Variants in RNLS observed in about 807,000 individuals in gnomAD.
RNLS encodes the protein renalase, FAD dependent amine oxidase.
In RNLS, 39 loss-of-function variants were observed where a neutral mutation model predicts 39.8. The observed-to-expected ratio is 0.98, with a 90% CI of 0.76 to 1.28. The LOEUF is 1.28. RNLS is among the 50% of genes most tolerant of loss of function. The pLI, the probability that RNLS is intolerant of heterozygous loss-of-function variation, is 0.00. For synonymous variants in RNLS, 147 were observed against 150.7 expected (o/e 0.98, Z 0.18); for missense variants, 410 against 413.3 (o/e 0.99, Z 0.07).
chr10:88,365,417 G>A (rs1355036208), intron 4 of RNLS, among the ~76,000 whole-genome samples: 1 of 150,908 alleles, frequency 6.6e-6, no homozygotes, highest in Non-Finnish European at 1.5e-5. Context: ...TAGAACAAAC[G>A]ACCACAAATC....
At chr10:88,303,297 C>G (rs1356878468) in intron 6 of RNLS, among the ~76,000 whole-genome samples, 1 of 152,172 alleles carries the variant, frequency 6.6e-6, no homozygotes, top group African/African-American at 2.4e-5. Flanking sequence ...ATGGCCATGC[C>G]CCTAGGCTTG....
the RNLS span, among the ~76,000 whole-genome samples, chr10:88,173,182 G>T: frequency 6.6e-6 from 1 of 151,934 alleles, no homozygotes; most frequent in South Asian, 2.1e-4. Flanking sequence ...ATATGGTGAG[G>T]GATAGAAATC....
intron 5 of RNLS, among the ~76,000 whole-genome samples, chr10:88,348,454 T>G (rs138457622): frequency 2.6e-4 from 40 of 152,228 alleles, no homozygotes; most frequent in African/African-American, 9.1e-4. Flanking sequence ...AGGGAAAATA[T>G]CATTTTCAGA....
chr10:88,341,138 T>C (rs1308427173), intron 5 of RNLS, among the ~76,000 whole-genome samples: 2 of 150,824 alleles, frequency 1.3e-5, no homozygotes, highest in African/African-American at 4.9e-5. Flanking sequence ...GAGACCAGCC[T>C]GACCAACGTG....
chr10:88,557,920 T>G (rs1159441213), intron 4 of RNLS, among the ~76,000 whole-genome samples: 1 of 152,148 alleles, frequency 6.6e-6, no homozygotes, highest in Non-Finnish European at 1.5e-5. Flanking sequence ...AGTATGGACA[T>G]TTCCTTTTAA....
At chr10:88,563,151 T>C (rs1453923847) in intron 4 of RNLS, among the ~76,000 whole-genome samples, 3 of 152,128 alleles carry the variant, frequency 2.0e-5, no homozygotes, top group African/African-American at 7.2e-5. Context: ...ACTAATGCAG[T>C]GTAATTGAGT....
the RNLS span, among the ~76,000 whole-genome samples, chr10:88,246,857 T>G: frequency 1.3e-5 from 2 of 152,210 alleles, no homozygotes; most frequent in African/African-American, 4.8e-5. Context: ...TAACCAGCCA[T>G]GAAGGTTAGC....
At chr10:88,472,460 T>C (rs746813871) in intron 4 of RNLS, among the ~76,000 whole-genome samples, 24 of 152,036 alleles carry the variant, frequency 1.6e-4, no homozygotes, top group Non-Finnish European at 1.3e-4. Flanking sequence ...AGCAGCACGA[T>C]AGGCATGAAA....
intron 5 of RNLS, among the ~76,000 whole-genome samples, chr10:88,345,961 C>T (rs1370435131): frequency 1.3e-5 from 2 of 152,044 alleles, no homozygotes; most frequent in Non-Finnish European, 2.9e-5. Context: ...TTTTACCACT[C>T]ATAATAATAA....
the RNLS span, among the ~76,000 whole-genome samples, chr10:88,207,388 A>G: frequency 1.3e-5 from 2 of 152,182 alleles, no homozygotes; most frequent in East Asian, 3.8e-4. Context: ...CACATCACCA[A>G]TCAAGATATA....
At chr10:88,229,827 G>A in the RNLS span, among the ~76,000 whole-genome samples, 1 of 151,952 alleles carries the variant, frequency 6.6e-6, no homozygotes, top group African/African-American at 2.4e-5. Context: ...TATCATTGTT[G>A]TACTGTGAAT....
At chr10:88,397,283 A>G (rs927552779) in intron 4 of RNLS, among the ~76,000 whole-genome samples, 1 of 152,000 alleles carries the variant, frequency 6.6e-6, no homozygotes, top group South Asian at 2.1e-4. Context: ...CCTGGTAGCA[A>G]TGAAATGATA....
intron 4 of RNLS, among the ~76,000 whole-genome samples, chr10:88,534,678 T>C (rs1413887161): frequency 1.3e-5 from 2 of 152,146 alleles, no homozygotes; most frequent in South Asian, 2.1e-4. Flanking sequence ...GTATAGTTCC[T>C]GGACTCTAAA....
At chr10:88,172,427 G>C in the RNLS span, among the ~76,000 whole-genome samples, 1 of 152,118 alleles carries the variant, frequency 6.6e-6, no homozygotes, top group East Asian at 1.9e-4. Context: ...CTGATGATCA[G>C]TGATGTTAAG....
At chr10:88,564,293 T>G (rs759163018) in intron 4 of RNLS, among the ~76,000 whole-genome samples, 12 of 149,670 alleles carry the variant, frequency 8.0e-5, no homozygotes, top group Middle Eastern at 3.4e-3. Context: ...CATTGTGTTT[T>G]GAAAGGTTGT....
chr10:88,246,086 G>T, the RNLS span, among the ~76,000 whole-genome samples: 1 of 152,202 alleles, frequency 6.6e-6, no homozygotes, highest in Non-Finnish European at 1.5e-5. Flanking sequence ...TCTGTGCAGT[G>T]GCAGGCAGAT....
intron 4 of RNLS, among the ~76,000 whole-genome samples, chr10:88,494,623 C>T (rs1463223806): frequency 1.3e-5 from 2 of 151,956 alleles, no homozygotes; most frequent in Non-Finnish European, 2.9e-5. Context: ...AAAAACCAGC[C>T]TGGTGGAGGA....
the RNLS span, among the ~76,000 whole-genome samples, chr10:88,227,146 A>G: frequency 2.0e-5 from 3 of 152,204 alleles, no homozygotes; most frequent in Non-Finnish European, 4.4e-5. Context: ...AATGTTTACT[A>G]TCTGGCCCTT....
intron 4 of RNLS, among the ~76,000 whole-genome samples, chr10:88,555,311 A>G (rs1161097462): frequency 6.6e-6 from 1 of 152,074 alleles, no homozygotes; most frequent in Non-Finnish European, 1.5e-5. Context: ...ATCCTCTGAC[A>G]TGATTTCAGT....
Sources: gnomAD v4.1 joint callset for allele counts (sites outside exome capture counted in the v4.1 genomes callset) on GRCh38, gnomAD v4.1.1 for gene constraint, MANE v1.5 for transcripts, NCBI Gene and HGNC (gene_info 2026-07-23, HGNC 2026-07-21) for gene names.